Variants in EPC2 observed in about 807,000 individuals in gnomAD.
EPC2 encodes the protein enhancer of polycomb 2.
Under a neutral mutation model 92.1 loss-of-function variants are expected in EPC2, and 14 were observed. The ratio of observed to expected loss-of-function variants is 0.15; its 90% CI spans 0.10 to 0.24. The LOEUF is 0.24. EPC2 is among the 10% of genes least tolerant of loss of function. The pLI is 1.00. For synonymous variants in EPC2, 340 were observed against 334.7 expected, an observed-to-expected ratio of 1.02 and a Z score of -0.17; for missense variants, 755 against 971.5, an observed-to-expected ratio of 0.78 and a Z score of 2.96.
At chr2:148,734,168 G>T (rs1682704437) in intron 2 of EPC2, among the ~76,000 whole-genome samples, 2 of 151,950 alleles carry the variant, frequency 1.3e-5, no homozygotes, top group Non-Finnish European at 2.9e-5. Flanking sequence ...TGTAACCATG[G>T]TTGGATACAT....
chr2:148,762,636 C>T, intron 5 of EPC2, 34 bp from the exon 6 acceptor site: 1 of 1,480,012 alleles, frequency 6.8e-7, no homozygotes, highest in Non-Finnish European at 9.1e-7. Flanking sequence ...TCAAACTATG[C>T]AATGTTTTCT....
intron 1 of EPC2, among the ~76,000 whole-genome samples, chr2:148,653,029 A>G (rs1381185368): frequency 1.3e-5 from 2 of 152,138 alleles, no homozygotes; most frequent in African/African-American, 2.4e-5. Flanking sequence ...TGAATTTTAT[A>G]TATGTATGAA....
chr2:148,775,088 C>CAA (rs67806541), intron 10 of EPC2, among the ~76,000 whole-genome samples: 2 of 120,870 alleles, frequency 1.7e-5, no homozygotes, highest in African/African-American at 3.1e-5. Flanking sequence ...GACTCCCTCT[C>CAA]AAAAAAAAAA....
intron 7 of EPC2, among the ~76,000 whole-genome samples, chr2:148,767,808 C>G (rs1016303589): frequency 1.3e-5 from 2 of 152,120 alleles, no homozygotes; most frequent in African/African-American, 4.8e-5. Context: ...CCCGGGGAAT[C>G]GTAGTTAGGA....
chr2:148,650,859 T>G (rs1463101327), intron 1 of EPC2, among the ~76,000 whole-genome samples: 1 of 152,122 alleles, frequency 6.6e-6, no homozygotes, highest in Admixed American at 6.5e-5. Context: ...GTTATCTAAA[T>G]AAGATATTGG....
At chr2:148,645,263 C>T (rs2105346266) in intron 1 of EPC2, 93 bp downstream of exon 1, 8 of 1,134,336 alleles carry the variant, frequency 7.1e-6, no homozygotes, top group Non-Finnish European at 9.9e-6. Context: ...TTTACGCTCG[C>T]TGGAGGGCGC....
chr2:148,648,420 TTG>T (rs1204106860), intron 1 of EPC2, among the ~76,000 whole-genome samples: 1 of 152,260 alleles, frequency 6.6e-6, no homozygotes, highest in Non-Finnish European at 1.5e-5. Flanking sequence ...CACAAATGTT[TTG>T]TGTTTCACTT....
At chr2:148,779,412 G>T (rs1683706637) in intron 10 of EPC2, among the ~76,000 whole-genome samples, 1 of 152,002 alleles carries the variant, frequency 6.6e-6, no homozygotes. Context: ...TGAGACCCTG[G>T]GTATACAAAA....
intron 12 of EPC2, among the ~76,000 whole-genome samples, chr2:148,784,267 C>G (rs1683816233): frequency 6.6e-6 from 1 of 152,198 alleles, no homozygotes; most frequent in Non-Finnish European, 1.5e-5. Context: ...CATCCTTCAA[C>G]TACCTCTCAG....
At chr2:148,684,962 A>G (rs1411525822) in intron 1 of EPC2, among the ~76,000 whole-genome samples, 2 of 152,084 alleles carry the variant, frequency 1.3e-5, no homozygotes, top group Non-Finnish European at 1.5e-5. Context: ...AATTTTTTAA[A>G]CTTGTGTTTT....
intron 1 of EPC2, among the ~76,000 whole-genome samples, chr2:148,674,736 A>G (rs894200682): frequency 4.5e-4 from 69 of 152,294 alleles, no homozygotes; most frequent in African/African-American, 1.5e-3. Context: ...GGAAGGGCTT[A>G]TGGCCTTTTA....
At position 148,764,840 on chromosome 2, in the gene EPC2, A is replaced by C. The variant is rs935516350; in HGVS notation, c.949-115A>C. On this transcript the variant is annotated intron_variant, in intron 6 of 13. Transcript: ENST00000258484. Reference sequence around the variant, plus strand: ...GAATAATTTTTGCGTATTAAAAACAATAAAATCACCTCCTGGGTAAAAATG... The same window carrying C: ...GAATAATTTTTGCGTATTAAAAACACTAAAATCACCTCCTGGGTAAAAATG... 2.2e-5 allele frequency: 18 copies of C among 807,876 alleles called. No individual in the cohort carries two copies. In the African/African-American group the frequency reaches 3.0e-4, roughly 14 times the overall value. The allele number at this position is 807,876 out of a possible 1,614,324, so 50.0% of individuals were successfully genotyped here.
chr2:148,681,594 A>G (rs989090987), intron 1 of EPC2, among the ~76,000 whole-genome samples: 29 of 152,180 alleles, frequency 1.9e-4, no homozygotes, highest in Admixed American at 1.4e-3. Context: ...AACTTTTTAC[A>G]TTCAGTACTC....
At position 148,654,105 on chromosome 2, in the gene EPC2, C is replaced by T. The variant is rs144498198; in HGVS notation, c.153+8935C>T. 1.2e-3 allele frequency among the ~76,000 whole-genome samples: 183 copies of T among 152,084 alleles called. 1 individual carries two copies. The highest frequency in any genetic ancestry group is 5.8e-4 in the East Asian group (3 of 5,162). ...TTGGGACTATAGGCACACGCCACCA[C>T]GCCCAGCTAATCTGTGTATTTTTAG... On this transcript the variant is annotated intron_variant, in intron 1 of 13. Coordinates refer to ENST00000258484, the MANE Select transcript of EPC2 (RefSeq NM_015630.4).
At chr2:148,771,888 T>C (rs1683529063) in intron 10 of EPC2, among the ~76,000 whole-genome samples, 1 of 151,716 alleles carries the variant, frequency 6.6e-6, no homozygotes, top group African/African-American at 2.4e-5. Flanking sequence ...AACCTCTGCC[T>C]CCCGGGTTCA....
Position 148,785,001 on chromosome 2 carries a change from GGTGT to G in EPC2, c.2351+11_2351+14del. The stretch of plus-strand genomic sequence containing the variant: ...AGCAGTGCCATCAGCAGCATAGCAA[GGTGT>G]GTGTGTGTGTTTCAGTGATTTTTCT... On this transcript the variant is annotated splice_donor_variant and splice_donor_region_variant and intron_variant, in intron 13 of 13. Transcript: ENST00000258484. LOFTEE classifies it high-confidence loss of function. 1 of 1,497,976 alleles carries G rather than the reference GGTGT, an allele frequency of 6.7e-7. No homozygotes were observed. 92.8% of individuals were successfully genotyped at this position (1,497,976 alleles called of 1,614,324 possible).
intron 2 of EPC2, among the ~76,000 whole-genome samples, chr2:148,722,267 G>A (rs1558820433): frequency 6.6e-6 from 1 of 152,176 alleles, no homozygotes; most frequent in East Asian, 1.9e-4. Context: ...CCCCCCTTAG[G>A]GTGGGACAGG....
intron 2 of EPC2, among the ~76,000 whole-genome samples, chr2:148,739,651 T>C (rs1178468531): frequency 6.6e-6 from 1 of 152,184 alleles, no homozygotes; most frequent in East Asian, 1.9e-4. Flanking sequence ...ACACAGAAGC[T>C]GTTGCTCTTT....
chr2:148,757,358 A>G (rs920414715), intron 4 of EPC2, among the ~76,000 whole-genome samples: 9 of 152,178 alleles, frequency 5.9e-5, no homozygotes, highest in Admixed American at 2.6e-4. Flanking sequence ...CCTGGGTGAC[A>G]GTGCGAGACT....
Sources: gnomAD v4.1 joint callset for allele counts (sites outside exome capture counted in the v4.1 genomes callset) on GRCh38, gnomAD v4.1.1 for gene constraint, MANE v1.5 for transcripts, NCBI Gene and HGNC (gene_info 2026-07-23, HGNC 2026-07-21) for gene names.